Variants in PDE7A observed in about 807,000 individuals in gnomAD.
The protein encoded by PDE7A is high affinity 3',5'-cyclic-AMP phosphodiesterase 7A.
Under a neutral mutation model 64.3 loss-of-function variants are expected in PDE7A, and 39 were observed. That is an observed-to-expected ratio of 0.61 (90% CI 0.47 to 0.79). The LOEUF is 0.79. PDE7A is among the 30% of genes least tolerant of loss of function. PDE7A has a pLI of 0.00. For synonymous variants in PDE7A, 203 were observed against 206.8 expected, an observed-to-expected ratio of 0.98 and a Z score of 0.16; for missense variants, 470 against 582.8, an observed-to-expected ratio of 0.81 and a Z score of 1.99.
In PDE7A at chr8:65,716,891, A is replaced by G. The variant is rs1477607775; in HGVS notation, c.*2399T>C. Among the ~76,000 whole-genome samples, 2 of 151,988 alleles carry G rather than the reference A, an allele frequency of 1.3e-5. No homozygotes were observed. Among genetic ancestry groups the G allele is most frequent in the African/African-American group, 4.8e-5 (2 of 41,380 alleles). Reference sequence around the variant, plus strand: ...GACCATATTCCTCTACTACCCTCAGACCTCTATACCCACACTGTCCAATAT... The same window carrying G: ...GACCATATTCCTCTACTACCCTCAGGCCTCTATACCCACACTGTCCAATAT... On this transcript the variant is annotated 3_prime_UTR_variant, in exon 13 of 13. Transcript: ENST00000401827.
rs1006860902 is a variant in PDE7A, at chr8:65,765,271, C to T, written c.283+14449G>A. On this transcript the variant is annotated intron_variant, in intron 3 of 12. Coordinates refer to ENST00000401827, the MANE Select transcript of PDE7A (RefSeq NM_001242318.3). Reference sequence around the variant, plus strand: ...TTGGGAGGCCGAGGCGGGCGGATCACGAGGTCAGGAGATCGAGACCATCCC... The same window carrying T: ...TTGGGAGGCCGAGGCGGGCGGATCATGAGGTCAGGAGATCGAGACCATCCC... Among the ~76,000 whole-genome samples the T allele has an allele frequency of 7.2e-4, 109 of 151,604 alleles. 1 individual carries two copies. Among genetic ancestry groups the T allele is most frequent in the African/African-American group, 2.5e-3 (105 of 41,380 alleles).
chr8:65,827,183 C>T (rs1810699172), intron 1 of PDE7A, among the ~76,000 whole-genome samples: 1 of 152,200 alleles, frequency 6.6e-6, no homozygotes, highest in African/African-American at 2.4e-5. Context: ...TGGTAACCTT[C>T]CCGCTCCAAA....
At chr8:65,809,022 T>C (rs1810178052) in intron 1 of PDE7A, among the ~76,000 whole-genome samples, 1 of 152,202 alleles carries the variant, frequency 6.6e-6, no homozygotes, top group South Asian at 2.1e-4. Flanking sequence ...AAAGAGGATA[T>C]AGTAAAGTGA....
At chr8:65,741,072 T>C (rs542092968) in intron 5 of PDE7A, among the ~76,000 whole-genome samples, 1 of 152,344 alleles carries the variant, frequency 6.6e-6, no homozygotes, top group East Asian at 1.9e-4. Context: ...GATGTTTCGT[T>C]TTCCCTTCCA....
chr8:65,735,008 A>T, intron 6 of PDE7A, 114 bp from the exon 7 acceptor site: 1 of 692,400 alleles, frequency 1.4e-6, no homozygotes, highest in Non-Finnish European at 2.6e-6. Context: ...TATCGGCTAA[A>T]ATCGTGCCGA....
intron 3 of PDE7A, among the ~76,000 whole-genome samples, chr8:65,760,241 A>G (rs1808427223): frequency 6.6e-6 from 1 of 152,236 alleles, no homozygotes; most frequent in African/African-American, 2.4e-5. Flanking sequence ...CCTCAAAACA[A>G]AACAAAACAA....
At chr8:65,798,206 A>ATATATATATATATATATATATATTTT in intron 1 of PDE7A, among the ~76,000 whole-genome samples, 1 of 73,834 alleles carries the variant, frequency 1.4e-5, no homozygotes, top group African/African-American at 5.8e-5. Context: ...ATATATATAT[A>ATATATATATATATATATATATATTTT]TTTTTTTTTT....
chr8:65,787,659 A>C (rs1433950925), intron 1 of PDE7A, among the ~76,000 whole-genome samples: 1 of 152,088 alleles, frequency 6.6e-6, no homozygotes, highest in Non-Finnish European at 1.5e-5. Context: ...TAAAAGAGTA[A>C]AGTCTAGAGG....
At chr8:65,756,022 T>C (rs1808226081) in intron 3 of PDE7A, among the ~76,000 whole-genome samples, 1 of 152,266 alleles carries the variant, frequency 6.6e-6, no homozygotes, top group South Asian at 2.1e-4. Context: ...AGGATAGTTT[T>C]GCCAAATATG....
intron 1 of PDE7A, among the ~76,000 whole-genome samples, chr8:65,820,019 A>AT: frequency 6.6e-6 from 1 of 152,254 alleles, no homozygotes; most frequent in South Asian, 2.1e-4. Flanking sequence ...GCAGAATAGA[A>AT]TATCTCCAAC....
intron 6 of PDE7A, among the ~76,000 whole-genome samples, chr8:65,738,415 A>C (rs1807247849): frequency 6.6e-6 from 1 of 152,178 alleles, no homozygotes; most frequent in Non-Finnish European, 1.5e-5. Context: ...CTTTCTCAGA[A>C]GTTCTCCTAT....
At chr8:65,751,656 C>T (rs568723003) in intron 3 of PDE7A, among the ~76,000 whole-genome samples, 183 of 152,226 alleles carry the variant, frequency 1.2e-3, no homozygotes, top group Middle Eastern at 6.8e-3. Context: ...CCACACCCAG[C>T]TAATTTTGTA....
At chr8:65,739,353 A>G in intron 6 of PDE7A, 149 bp downstream of exon 6, 2 of 879,516 alleles carry the variant, frequency 2.3e-6, no homozygotes, top group Non-Finnish European at 1.6e-6. Context: ...CACAGATGCA[A>G]GAGCTAAATA....
At position 65,754,086 on chromosome 8, in the gene PDE7A, G is replaced by C. The variant is rs573828625; in HGVS notation, c.284-6283C>G. Among the ~76,000 whole-genome samples the C allele has an allele frequency of 4.6e-5, 7 of 152,254 alleles. No homozygotes were observed. In the South Asian group the frequency reaches 1.5e-3, roughly 32 times the overall value. On this transcript the variant is annotated intron_variant, in intron 3 of 12. Coordinates refer to ENST00000401827, the MANE Select transcript of PDE7A (RefSeq NM_001242318.3). ...ATCTGCAAGCTGAGGAGCAAGGAAAGCAAGTCTGAGTCCCAGAACTGAAGA... is the reference window on the plus strand; with the variant it reads ...ATCTGCAAGCTGAGGAGCAAGGAAACCAAGTCTGAGTCCCAGAACTGAAGA...
intron 1 of PDE7A, among the ~76,000 whole-genome samples, chr8:65,805,412 C>G (rs1810087126): frequency 6.6e-6 from 1 of 152,160 alleles, no homozygotes; most frequent in African/African-American, 2.4e-5. Context: ...AATTGAGCAG[C>G]AGAGATTACC....
chr8:65,806,821 T>G (rs1810126472), intron 1 of PDE7A, among the ~76,000 whole-genome samples: 1 of 152,240 alleles, frequency 6.6e-6, no homozygotes, highest in African/African-American at 2.4e-5. Context: ...TGGATGGCCT[T>G]GGTACCCTTG....
At chr8:65,764,809 G>A (rs1166460076) in intron 3 of PDE7A, among the ~76,000 whole-genome samples, 1 of 152,166 alleles carries the variant, frequency 6.6e-6, no homozygotes, top group African/African-American at 2.4e-5. Flanking sequence ...AAATACACAT[G>A]AGGAACTAAG....
chr8:65,787,989 C>T (rs1332586339), intron 1 of PDE7A, among the ~76,000 whole-genome samples: 1 of 152,084 alleles, frequency 6.6e-6, no homozygotes, highest in East Asian at 1.9e-4. Context: ...TAAGAGATTT[C>T]TTCAATCATA....
At chr8:65,801,226 A>ATT (rs904554635) in intron 1 of PDE7A, among the ~76,000 whole-genome samples, 4 of 152,224 alleles carry the variant, frequency 2.6e-5, no homozygotes, top group Admixed American at 2.0e-4. Context: ...GAATGAAACT[A>ATT]TTTAGCAAAG....
Sources: gnomAD v4.1 joint callset for allele counts (sites outside exome capture counted in the v4.1 genomes callset) on GRCh38, gnomAD v4.1.1 for gene constraint, MANE v1.5 for transcripts, NCBI Gene and HGNC (gene_info 2026-07-23, HGNC 2026-07-21) for gene names.